The following SYNDIG1 variants were observed in gnomAD, a reference collection of about 807,000 sequenced individuals.
The protein encoded by SYNDIG1 is synapse differentiation-inducing gene protein 1.
A neutral mutation model predicts 19.4 loss-of-function variants in SYNDIG1; 9 were observed. The observed-to-expected ratio is 0.46, with a 90% CI of 0.28 to 0.81. SYNDIG1 has a LOEUF of 0.81. Ranked by LOEUF, SYNDIG1 falls within the 30% of genes least tolerant of loss-of-function variation. SYNDIG1 has a pLI of 0.12. For synonymous variants in SYNDIG1, 141 were observed against 145.9 expected, an observed-to-expected ratio of 0.97 and a Z score of 0.24; for missense variants, 311 against 343.3, an observed-to-expected ratio of 0.91 and a Z score of 0.74.
intron 3 of SYNDIG1, among the ~76,000 whole-genome samples, chr20:24,601,426 C>T (rs1234169150): frequency 6.6e-6 from 1 of 152,148 alleles, no homozygotes; most frequent in Non-Finnish European, 1.5e-5. Context: ...GCTCTTTGAG[C>T]CTGGACTTCT....
At chr20:24,520,076 A>G (rs1300918884) in intron 1 of SYNDIG1, among the ~76,000 whole-genome samples, 1 of 152,124 alleles carries the variant, frequency 6.6e-6, no homozygotes, top group Non-Finnish European at 1.5e-5. Flanking sequence ...TGAAACAGTG[A>G]TGCACCTCGC....
At chr20:24,592,539 G>T (rs1253153302) in intron 3 of SYNDIG1, among the ~76,000 whole-genome samples, 4 of 152,170 alleles carry the variant, frequency 2.6e-5, no homozygotes, top group Non-Finnish European at 5.9e-5. Flanking sequence ...GAGCTGCCAG[G>T]CTGTTGATGA....
At chr20:24,488,045 G>C (rs903821275) in intron 1 of SYNDIG1, among the ~76,000 whole-genome samples, 1 of 152,190 alleles carries the variant, frequency 6.6e-6, no homozygotes, top group Admixed American at 6.5e-5. Flanking sequence ...CCCAGAAAAT[G>C]AGATGACTCC....
At chr20:24,513,457 C>T (rs1163236701) in intron 1 of SYNDIG1, among the ~76,000 whole-genome samples, 1 of 152,158 alleles carries the variant, frequency 6.6e-6, no homozygotes, top group African/African-American at 2.4e-5. Context: ...AAAACCATGG[C>T]ACGAGAACTA....
At chr20:24,499,748 G>C (rs368958462) in intron 1 of SYNDIG1, among the ~76,000 whole-genome samples, 2 of 152,150 alleles carry the variant, frequency 1.3e-5, no homozygotes, top group South Asian at 4.1e-4. Flanking sequence ...AGAGAAAGCA[G>C]GAAAGCAAAA....
At chr20:24,552,975 T>A (rs1288675289) in intron 2 of SYNDIG1, among the ~76,000 whole-genome samples, 1 of 152,018 alleles carries the variant, frequency 6.6e-6, no homozygotes, top group African/African-American at 2.4e-5. Flanking sequence ...GCACCTATTG[T>A]TTCCTGACTT....
At chr20:24,555,005 A>T (rs2057784153) in intron 2 of SYNDIG1, among the ~76,000 whole-genome samples, 1 of 152,142 alleles carries the variant, frequency 6.6e-6, no homozygotes, top group African/African-American at 2.4e-5. Flanking sequence ...CTATTCAGAG[A>T]TTCAGCTTCT....
intron 1 of SYNDIG1, among the ~76,000 whole-genome samples, chr20:24,510,734 C>T (rs2056725398): frequency 6.6e-6 from 1 of 152,118 alleles, no homozygotes. Context: ...CTGAGAAATT[C>T]TCAGATATCT....
chr20:24,660,316 G>A (rs1038179031), intron 3 of SYNDIG1, among the ~76,000 whole-genome samples: 1 of 152,240 alleles, frequency 6.6e-6, no homozygotes, highest in African/African-American at 2.4e-5. Flanking sequence ...TATAAGAAAT[G>A]CTGACCATTT....
chr20:24,479,287 G>T (rs923074532), intron 1 of SYNDIG1, among the ~76,000 whole-genome samples: 5 of 152,086 alleles, frequency 3.3e-5, no homozygotes, highest in East Asian at 1.9e-4. Context: ...CCTTCTCCCC[G>T]AGCCCTCACC....
At chr20:24,517,055 A>G (rs1050391845) in intron 1 of SYNDIG1, among the ~76,000 whole-genome samples, 1 of 152,196 alleles carries the variant, frequency 6.6e-6, no homozygotes, top group African/African-American at 2.4e-5. Flanking sequence ...GCAAGAACAA[A>G]AAACCAAACA....
intron 3 of SYNDIG1, among the ~76,000 whole-genome samples, chr20:24,662,097 A>G (rs1021983639): frequency 1.3e-5 from 2 of 152,004 alleles, no homozygotes; most frequent in African/African-American, 4.8e-5. Context: ...GATAGTGACC[A>G]TTCAACCTAA....
At chr20:24,545,542 G>A (rs1344193679) in intron 2 of SYNDIG1, among the ~76,000 whole-genome samples, 1 of 152,142 alleles carries the variant, frequency 6.6e-6, no homozygotes, top group Non-Finnish European at 1.5e-5. Flanking sequence ...AGGGTCTGGG[G>A]CCCTGAGCTC....
Position 24,470,487 on chromosome 20 carries a change from C to CTT in SYNDIG1, c.-79+734_-79+735insTT, listed in dbSNP as rs1378356945. ...GCCCTGGGAGCCACAGCCCTGGCGC[C>CTT]GAGATGGGAGCGAGCACATACGCTT... On this transcript the variant is annotated intron_variant, in intron 1 of 3. Coordinates refer to ENST00000376862, the MANE Select transcript of SYNDIG1 (RefSeq NM_024893.3). 2.6e-5 allele frequency among the ~76,000 whole-genome samples: 4 copies of CTT among 152,314 alleles called. No homozygotes were observed. In the East Asian group the frequency reaches 7.7e-4, roughly 29 times the overall value.
chr20:24,624,753 C>T (rs764533560), intron 3 of SYNDIG1, among the ~76,000 whole-genome samples: 2 of 152,144 alleles, frequency 1.3e-5, no homozygotes, highest in Non-Finnish European at 2.9e-5. Flanking sequence ...ATACATTCTT[C>T]TCAGGGGCAC....
chr20:24,493,810 A>C lies in SYNDIG1; in HGVS notation c.-79+24057A>C, dbSNP rs28446587. 1.9e-3 allele frequency among the ~76,000 whole-genome samples: 296 copies of C among 152,242 alleles called. 6 individuals carry two copies. Among genetic ancestry groups the C allele is most frequent in the African/African-American group, 6.8e-3 (282 of 41,534 alleles). On this transcript the variant is annotated intron_variant, in intron 1 of 3. Coordinates refer to ENST00000376862, the MANE Select transcript of SYNDIG1 (RefSeq NM_024893.3). ...TTGGGCAGCCGCAAGCTCAGAGGGG[A>C]GGCATGGCCGGGTGCTGGAGTCACC... is the stretch of plus-strand genomic sequence containing the variant.
chr20:24,502,602 C>T (rs931229318), intron 1 of SYNDIG1, among the ~76,000 whole-genome samples: 30 of 152,224 alleles, frequency 2.0e-4, no homozygotes, highest in African/African-American at 5.5e-4. Flanking sequence ...TTGACCCTGG[C>T]AGCTATTTCA....
At chr20:24,473,041 T>A (rs1268816968) in intron 1 of SYNDIG1, among the ~76,000 whole-genome samples, 4 of 152,146 alleles carry the variant, frequency 2.6e-5, no homozygotes, top group Admixed American at 2.6e-4. Context: ...CTCATGCACA[T>A]TGGAAAATGC....
rs2059546146 is a variant in SYNDIG1 at position 24,658,004 on chromosome 20, G to A, written c.619-7342G>A. On this transcript the variant is annotated intron_variant, in intron 3 of 3. Transcript: ENST00000376862. This position sits in a 1 kb window ranked among gnomAD's most constrained non-coding sequence, Gnocchi z 4.4. ...ATCTCGGGAGGCAGGTGTCTGGCGAGGGCATAACTGCTGAGGACCCCCAGC... is the reference window on the plus strand; with the variant it reads ...ATCTCGGGAGGCAGGTGTCTGGCGAAGGCATAACTGCTGAGGACCCCCAGC... 6.6e-6 allele frequency among the ~76,000 whole-genome samples: 1 copy of A among 152,160 alleles called. No homozygotes were observed. The highest frequency in any genetic ancestry group is 2.4e-5 in the African/African-American group (1 of 41,438).
Sources: allele counts gnomAD v4.1 joint callset (sites outside exome capture counted in the v4.1 genomes callset), GRCh38; gene constraint gnomAD v4.1.1; non-coding constraint Gnocchi (gnomAD v3.1); transcripts MANE v1.5; gene names NCBI Gene and HGNC (gene_info 2026-07-23, HGNC 2026-07-21).